Variants in SCARB1 observed in about 807,000 individuals in gnomAD.
SCARB1 encodes scavenger receptor class B member 1, also known as CD36 and LIMPII analogous 1.
SCARB1 carries 30 observed loss-of-function variants against 57.2 expected under a neutral mutation model. The observed-to-expected ratio is 0.52, with a 90% CI of 0.39 to 0.71. The LOEUF (loss-of-function observed/expected upper bound fraction) is 0.71, where lower values mean the gene tolerates loss of function less well. SCARB1 is among the 30% of genes least tolerant of loss of function. SCARB1 has a pLI of 0.00. For synonymous variants in SCARB1, 249 were observed against 268.3 expected (o/e 0.93, Z 0.70); for missense variants, 543 against 671.2 (o/e 0.81, Z 2.11).
chr12:124,787,482 T>A lies in SCARB1; in HGVS notation c.1203-25A>T, dbSNP rs1406958567. On this transcript the variant is annotated intron_variant, in intron 9 of 12. Transcript: ENST00000261693. Reference sequence around the variant, plus strand: ...TCTGGAAATAAGCAAGACATAGCTGTGTGAAACAAAGTCTTACACCCAAAC... The same window carrying A: ...TCTGGAAATAAGCAAGACATAGCTGAGTGAAACAAAGTCTTACACCCAAAC... 3 of 1,608,890 alleles carry A rather than the reference T, an allele frequency of 1.9e-6. No homozygotes were observed. In the East Asian group the frequency reaches 6.7e-5, roughly 36 times the overall value.
chr12:124,804,083 CCTTGTG>C (rs944353339), intron 7 of SCARB1, among the ~76,000 whole-genome samples: 21 of 152,324 alleles, frequency 1.4e-4, no homozygotes, highest in African/African-American at 5.1e-4. Flanking sequence ...CTACTTTCAG[CCTTGTG>C]CTTGGAGTGG....
chr12:124,840,216 C>G (rs1951857009), intron 1 of SCARB1, among the ~76,000 whole-genome samples: 1 of 151,222 alleles, frequency 6.6e-6, no homozygotes. Context: ...GAGTCTTGCT[C>G]TGTTGCCCAG....
intron 1 of SCARB1, among the ~76,000 whole-genome samples, chr12:124,843,851 A>G (rs915746993): frequency 6.6e-6 from 1 of 152,124 alleles, no homozygotes; most frequent in African/African-American, 2.4e-5. Context: ...ACTCAAATTC[A>G]CACCTCAGAA....
intron 8 of SCARB1, among the ~76,000 whole-genome samples, chr12:124,797,444 C>G (rs1226902275): frequency 6.6e-6 from 1 of 152,094 alleles, no homozygotes. Flanking sequence ...CTCCTGATCC[C>G]CCTCCCCAAC....
chr12:124,855,804 G>A (rs1442561532), intron 1 of SCARB1, among the ~76,000 whole-genome samples: 1 of 152,128 alleles, frequency 6.6e-6, no homozygotes, highest in Non-Finnish European at 1.5e-5. Context: ...CTCTTTTGCT[G>A]ACCACAGACA....
At chr12:124,790,773 T>C (rs1215585407) in intron 9 of SCARB1, among the ~76,000 whole-genome samples, 1 of 152,166 alleles carries the variant, frequency 6.6e-6, no homozygotes, top group Non-Finnish European at 1.5e-5. Flanking sequence ...CACTCAAGCG[T>C]CGCTGCCTGG....
At chr12:124,780,615 G>T (rs546362158) in intron 12 of SCARB1, among the ~76,000 whole-genome samples, 1 of 152,214 alleles carries the variant, frequency 6.6e-6, no homozygotes, top group African/African-American at 2.4e-5. Flanking sequence ...GATCCGGGGC[G>T]CTGGGCTGGG....
intron 1 of SCARB1, among the ~76,000 whole-genome samples, chr12:124,853,390 GTTT>G (rs757246980): frequency 0.11 from 13,896 of 122,382 alleles, 573 homozygotes; most frequent in South Asian, 0.15. Context: ...GCATAGTTTT[GTTT>G]TTTTTTTTTT....
chr12:124,797,964 C>A (rs1454475366), intron 8 of SCARB1, among the ~76,000 whole-genome samples: 1 of 152,222 alleles, frequency 6.6e-6, no homozygotes, highest in Non-Finnish European at 1.5e-5. Context: ...CGGGCATCCC[C>A]CCAGAGGAAA....
chr12:124,834,280 C>A (rs1951538092), intron 1 of SCARB1, among the ~76,000 whole-genome samples: 1 of 152,232 alleles, frequency 6.6e-6, no homozygotes, highest in Non-Finnish European at 1.5e-5. Flanking sequence ...CTCCAGGGTC[C>A]TCAGGTTCCC....
In SCARB1 at chr12:124,778,607, G is replaced by C. The variant is rs761592402; in HGVS notation, c.*1-21C>G. 4 of 1,415,392 alleles carry C rather than the reference G, an allele frequency of 2.8e-6. No individual in the cohort carries two copies. The South Asian group carries it at 4.8e-5, about 17-fold the overall frequency. The allele number at this position is 1,415,392 out of a possible 1,614,324, so 87.7% of individuals were successfully genotyped here. On this transcript the variant is annotated intron_variant, in intron 12 of 12. Coordinates refer to ENST00000261693, the MANE Select transcript of SCARB1 (RefSeq NM_005505.5). ...GGACCCTGTGGAGAAAGGCAAAGCT[G>C]GGTGACCACCCACGCCCTGTCACCA...
In SCARB1 at chr12:124,814,557, C is replaced by T. The variant is rs1019518992; in HGVS notation, c.427-152G>A. On this transcript the variant is annotated intron_variant, in intron 3 of 12. Transcript: ENST00000261693. This position sits in a 1 kb window ranked among gnomAD's most constrained non-coding sequence, Gnocchi z 4.7. The stretch of plus-strand genomic sequence containing the variant: ...TGGCCACGTGGGGCATCTGGGACAC[C>T]AGAACCACCCTCTGCTCCTCCAGTG... The T allele has an allele frequency of 1.2e-5, 9 of 777,046 alleles. No individual in the cohort carries two copies. In the African/African-American group the frequency reaches 1.4e-4, roughly 12 times the overall value. The allele number at this position is 777,046 out of a possible 1,614,324, so 48.1% of individuals were successfully genotyped here.
At chr12:124,853,100 A>C (rs1952485668) in intron 1 of SCARB1, among the ~76,000 whole-genome samples, 1 of 152,174 alleles carries the variant, frequency 6.6e-6, no homozygotes, top group Non-Finnish European at 1.5e-5. Context: ...TCTTCTTCAA[A>C]AGGTTACATT....
intron 11 of SCARB1, chr12:124,785,961 A>G (rs1949495471): frequency 2.6e-6 from 3 of 1,132,470 alleles, no homozygotes; most frequent in Non-Finnish European, 3.6e-6. Flanking sequence ...CTGGGATGCC[A>G]GCCCCCCTCA....
intron 10 of SCARB1, among the ~76,000 whole-genome samples, chr12:124,786,828 T>C (rs1251041916): frequency 6.6e-6 from 1 of 152,194 alleles, no homozygotes; most frequent in Non-Finnish European, 1.5e-5. Context: ...ACCGGGGCCC[T>C]GGAACCCTAA....
At chr12:124,818,053 A>G (rs374618195) in intron 1 of SCARB1, among the ~76,000 whole-genome samples, 38 of 152,338 alleles carry the variant, frequency 2.5e-4, no homozygotes, top group Middle Eastern at 3.4e-3. Flanking sequence ...GGATAGCCTC[A>G]TGCAGGAACA....
At chr12:124,779,605 G>A (rs150249358) in intron 12 of SCARB1, among the ~76,000 whole-genome samples, 1 of 152,320 alleles carries the variant, frequency 6.6e-6, no homozygotes, top group African/African-American at 2.4e-5. Flanking sequence ...ACTGTCATTT[G>A]TCTAGTTTGA....
chr12:124,839,126 A>G (rs1424254888), intron 1 of SCARB1: 15 of 417,440 alleles, frequency 3.6e-5, no homozygotes, highest in Non-Finnish European at 7.2e-5. Flanking sequence ...GACATTTGCA[A>G]TGTTGTGCAA....
intron 1 of SCARB1, among the ~76,000 whole-genome samples, chr12:124,848,656 G>C (rs1952260202): frequency 6.6e-6 from 1 of 152,230 alleles, no homozygotes; most frequent in African/African-American, 2.4e-5. Context: ...TGATGTGGTG[G>C]TGGAAGAACA....
Sources: allele counts gnomAD v4.1 joint callset (sites outside exome capture counted in the v4.1 genomes callset), GRCh38; gene constraint gnomAD v4.1.1; non-coding constraint Gnocchi (gnomAD v3.1); transcripts MANE v1.5; gene names NCBI Gene and HGNC (gene_info 2026-07-23, HGNC 2026-07-21).